ADAD1: variants seen among roughly 807,000 people sequenced by gnomAD.
ADAD1 encodes the protein adenosine deaminase domain containing 1.
In ADAD1, 46 loss-of-function variants were observed where a neutral mutation model predicts 66.8. That is an observed-to-expected ratio of 0.69 (90% CI 0.54 to 0.88). The LOEUF (loss-of-function observed/expected upper bound fraction) is 0.88, where lower values mean the gene tolerates loss of function less well. ADAD1 is among the 40% of genes least tolerant of loss of function. The probability of loss-of-function intolerance (pLI) is 0.00; values close to 1 mark genes in which losing one functional copy is unlikely to be tolerated. For synonymous variants in ADAD1, 248 were observed against 229.4 expected, an observed-to-expected ratio of 1.08 and a Z score of -0.73; for missense variants, 617 against 681.8, an observed-to-expected ratio of 0.91 and a Z score of 1.06.
intron 4 of ADAD1, among the ~76,000 whole-genome samples, 178 bp downstream of exon 4, chr4:122,381,358 C>G (rs1372713965): frequency 6.6e-6 from 1 of 152,192 alleles, no homozygotes; most frequent in African/African-American, 2.4e-5. Context: ...ACAAATAACT[C>G]ACATATACCA....
intron 7 of ADAD1, among the ~76,000 whole-genome samples, chr4:122,402,684 C>A (rs1796033486): frequency 6.6e-6 from 1 of 151,892 alleles, no homozygotes; most frequent in South Asian, 2.1e-4. Flanking sequence ...AGGCTTTGTT[C>A]ATTTTTTTAT....
At chr4:122,424,964 T>C (rs981363507) in intron 12 of ADAD1, among the ~76,000 whole-genome samples, 3 of 152,004 alleles carry the variant, frequency 2.0e-5, no homozygotes, top group Non-Finnish European at 4.4e-5. Context: ...GAAATATTGC[T>C]AGAGACAGAG....
At chr4:122,380,930 C>T in intron 3 of ADAD1, 62 bp from the exon 4 acceptor site, 1 of 1,441,050 alleles carries the variant, frequency 6.9e-7, no homozygotes, top group East Asian at 2.4e-5. Flanking sequence ...GGATTTATTG[C>T]TTTTGCTCAT....
At chr4:122,400,616 TGTG>T (rs1369606375) in intron 7 of ADAD1, among the ~76,000 whole-genome samples, 2 of 152,182 alleles carry the variant, frequency 1.3e-5, no homozygotes, top group African/African-American at 4.8e-5. Flanking sequence ...AGAATTCAGC[TGTG>T]AATCTGTTCG....
chr4:122,427,756 G>A lies in ADAD1; in HGVS notation c.1618-1870G>A, dbSNP rs146270714. 6.6e-3 allele frequency among the ~76,000 whole-genome samples: 996 copies of A among 151,804 alleles called. 27 individuals are homozygous for A. Among genetic ancestry groups the A allele is most frequent in the East Asian group, 0.044 (226 of 5,152 alleles). On this transcript the variant is annotated intron_variant, in intron 12 of 12. Coordinates refer to ENST00000296513, the MANE Select transcript of ADAD1 (RefSeq NM_139243.4). ...TCACCATGTTGGCCAGGCAGGTCTCGAACTTCTGACCTCAAGTGCTCCACC... is the reference window on the plus strand; with the variant it reads ...TCACCATGTTGGCCAGGCAGGTCTCAAACTTCTGACCTCAAGTGCTCCACC...
chr4:122,388,716 C>T (rs548485630), intron 5 of ADAD1, among the ~76,000 whole-genome samples: 1 of 152,170 alleles, frequency 6.6e-6, no homozygotes, highest in African/African-American at 2.4e-5. Flanking sequence ...GTGGTGATAT[C>T]CCCTTTATCA....
rs567322667 is a variant in ADAD1 at position 122,381,745 on chromosome 4, A to C, written c.361+565A>C. Among the ~76,000 whole-genome samples the C allele has an allele frequency of 7.4e-4, 112 of 152,336 alleles. 2 individuals are homozygous for C. Among genetic ancestry groups the C allele is most frequent in the Admixed American group, 6.4e-3 (98 of 15,308 alleles). ...AGAAAGTAGTTTCTGATCTCTTCAC[A>C]TTATAGCCAATGATTAGGAAGATTT... On this transcript the variant is annotated intron_variant, in intron 4 of 12. Coordinates refer to ENST00000296513, the MANE Select transcript of ADAD1 (RefSeq NM_139243.4).
At chr4:122,379,818 C>T (rs1794793518) in intron 2 of ADAD1, 1 of 406,262 alleles carries the variant, frequency 2.5e-6, no homozygotes, top group African/African-American at 2.0e-5. Context: ...AGGGACCTCT[C>T]TCTGTTCCTT....
At chr4:122,387,165 C>T (rs919607504) in intron 5 of ADAD1, among the ~76,000 whole-genome samples, 2 of 152,066 alleles carry the variant, frequency 1.3e-5, no homozygotes, top group South Asian at 2.1e-4. Flanking sequence ...TTCTTCTATC[C>T]GTGAGGATGG....
intron 10 of ADAD1, among the ~76,000 whole-genome samples, chr4:122,413,323 T>A (rs1229461505): frequency 4.6e-5 from 7 of 152,168 alleles, no homozygotes; most frequent in Admixed American, 4.6e-4. Context: ...ATAATCATTT[T>A]GTCATTTTAT....
intron 11 of ADAD1, among the ~76,000 whole-genome samples, chr4:122,419,439 A>G (rs1398136631): frequency 6.6e-6 from 1 of 152,192 alleles, no homozygotes; most frequent in African/African-American, 2.4e-5. Flanking sequence ...ACTAGGCTTA[A>G]TACTTGGGTG....
chr4:122,413,983 A>T (rs1177378330), intron 10 of ADAD1, among the ~76,000 whole-genome samples: 1 of 149,698 alleles, frequency 6.7e-6, no homozygotes, highest in Non-Finnish European at 1.5e-5. Flanking sequence ...GAATCAAATC[A>T]TAATTTTTCA....
chr4:122,398,197 T>G (rs62321741), intron 7 of ADAD1, among the ~76,000 whole-genome samples: 30,817 of 151,642 alleles, frequency 0.2, 6,149 homozygotes, highest in African/African-American at 0.52. Context: ...TTATGCCTTC[T>G]TGTCTTCCTG....
In ADAD1 at chr4:122,380,058, C is replaced by T. The variant is rs1158251178; in HGVS notation, c.-8-4C>T. ...TTTTCTGCCAATTTTATCGTGACCT[C>T]TAGGTGAGAAAATGGCTAGCAACAA... On this transcript the variant is annotated splice_polypyrimidine_tract_variant and splice_region_variant and intron_variant, in intron 2 of 12. Coordinates refer to ENST00000296513, the MANE Select transcript of ADAD1 (RefSeq NM_139243.4). 3.7e-6 allele frequency: 6 copies of T among 1,608,766 alleles called. No homozygotes were observed. Among genetic ancestry groups the T allele is most frequent in the Non-Finnish European group, 4.2e-6 (5 of 1,178,036 alleles).
chr4:122,414,016 A>AT (rs1796596419), intron 10 of ADAD1, among the ~76,000 whole-genome samples: 1 of 150,384 alleles, frequency 6.6e-6, no homozygotes, highest in African/African-American at 2.4e-5. Context: ...AATTTTAGAT[A>AT]TTTATTTTCT....
Position 122,388,710 on chromosome 4 carries a change from T to C in ADAD1, c.529+4744T>C, listed in dbSNP as rs184681421. Among the ~76,000 whole-genome samples the C allele has an allele frequency of 2.0e-5, 3 of 152,344 alleles. No individual in the cohort carries two copies. In the East Asian group the frequency reaches 5.8e-4, roughly 29 times the overall value. ...GTTTATATTTCTGTGGGGTCAGTGG[T>C]GATATCCCCTTTATCATTTTTTATT... is the stretch of plus-strand genomic sequence containing the variant. On this transcript the variant is annotated intron_variant, in intron 5 of 12. Transcript: ENST00000296513.
intron 11 of ADAD1, 120 bp from the exon 12 acceptor site, chr4:122,421,141 C>A: frequency 7.5e-6 from 5 of 662,880 alleles, no homozygotes; most frequent in Non-Finnish European, 1.1e-5. Context: ...AAAAAAATTA[C>A]TATGTATATT....
intron 5 of ADAD1, among the ~76,000 whole-genome samples, chr4:122,390,780 G>A (rs1480576195): frequency 6.6e-6 from 1 of 152,016 alleles, no homozygotes; most frequent in African/African-American, 2.4e-5. Flanking sequence ...TTCTTAGCTT[G>A]CTTCTTTGCA....
At chr4:122,425,727 A>G (rs1422205058) in intron 12 of ADAD1, among the ~76,000 whole-genome samples, 1 of 152,018 alleles carries the variant, frequency 6.6e-6, no homozygotes, top group East Asian at 1.9e-4. Context: ...AGTATATGAG[A>G]GAATGTACCT....
Sources: allele counts gnomAD v4.1 joint callset (sites outside exome capture counted in the v4.1 genomes callset), GRCh38; gene constraint gnomAD v4.1.1; transcripts MANE v1.5; gene names NCBI Gene and HGNC (gene_info 2026-07-23, HGNC 2026-07-21).